CFAP44: variants seen among roughly 807,000 people sequenced by gnomAD.
CFAP44 encodes the protein cilia- and flagella-associated protein 44.
A neutral mutation model predicts 216.2 loss-of-function variants in CFAP44; 134 were observed. That is an observed-to-expected ratio of 0.62 (90% CI 0.54 to 0.72). The LOEUF (loss-of-function observed/expected upper bound fraction) is 0.72, where lower values mean the gene tolerates loss of function less well. Among genes scored for constraint, CFAP44 ranks in the 30% least tolerant of loss-of-function variants. CFAP44 has a pLI of 0.00. For missense variants in CFAP44, 2,035 were observed against 2,182.1 expected, an observed-to-expected ratio of 0.93 and a Z score of 1.34; for synonymous variants, 700 against 727.6, an observed-to-expected ratio of 0.96 and a Z score of 0.61.
intron 7 of CFAP44, among the ~76,000 whole-genome samples, chr3:113,408,863 C>CAA (rs200920984): frequency 6.0e-5 from 4 of 66,344 alleles, no homozygotes; most frequent in Admixed American, 1.7e-4. Context: ...AACTCCATTT[C>CAA]AAAAAAAAAA....
chr3:113,396,976 A>T (rs1013954323), intron 13 of CFAP44, among the ~76,000 whole-genome samples: 1 of 152,246 alleles, frequency 6.6e-6, no homozygotes. Context: ...ACCACATGCT[A>T]AGCACCTATC....
intron 4 of CFAP44, among the ~76,000 whole-genome samples, chr3:113,421,221 G>A (rs763561887): frequency 1.5e-4 from 23 of 152,142 alleles, no homozygotes; most frequent in East Asian, 3.9e-4. Flanking sequence ...ACATGCAAGC[G>A]ACCAACAAAC....
At chr3:113,425,163 G>A (rs559031733) in intron 4 of CFAP44, among the ~76,000 whole-genome samples, 21 of 152,228 alleles carry the variant, frequency 1.4e-4, no homozygotes, top group Non-Finnish European at 2.2e-4. Flanking sequence ...AAATCAGCAC[G>A]AATTAATTTA....
At chr3:113,306,062 G>GA in intron 30 of CFAP44, 139 bp downstream of exon 30, 4 of 1,083,968 alleles carry the variant, frequency 3.7e-6, no homozygotes, top group Non-Finnish European at 3.7e-6. Context: ...AATTTAGGGA[G>GA]AAAAAAACCT....
chr3:113,434,324 G>C (rs970693475), intron 1 of CFAP44, among the ~76,000 whole-genome samples: 1 of 152,130 alleles, frequency 6.6e-6, no homozygotes. Context: ...GCCAGGCAAA[G>C]AATGTGAAAG....
At chr3:113,357,581 T>C (rs1950502685) in intron 22 of CFAP44, among the ~76,000 whole-genome samples, 1 of 152,184 alleles carries the variant, frequency 6.6e-6, no homozygotes, top group Admixed American at 6.5e-5. Context: ...AAGAACCAAC[T>C]TGCCTGACAC....
At chr3:113,385,569 G>A (rs113847023) in intron 15 of CFAP44, among the ~76,000 whole-genome samples, 3 of 151,990 alleles carry the variant, frequency 2.0e-5, no homozygotes, top group South Asian at 2.1e-4. Context: ...TACAGCTGTC[G>A]GTGGACTGCT....
chr3:113,432,765 T>G (rs1033962439), intron 2 of CFAP44, among the ~76,000 whole-genome samples: 1 of 152,234 alleles, frequency 6.6e-6, no homozygotes, highest in African/African-American at 2.4e-5. Flanking sequence ...ATTTCCTTCT[T>G]GAACAACTCG....
At chr3:113,364,457 A>G (rs1454402572) in intron 19 of CFAP44, among the ~76,000 whole-genome samples, 1 of 152,202 alleles carries the variant, frequency 6.6e-6, no homozygotes, top group African/African-American at 2.4e-5. Context: ...GTCATAAAAC[A>G]TGATCAATAT....
chr3:113,303,029 A>G (rs11921687), intron 32 of CFAP44, among the ~76,000 whole-genome samples: 5,110 of 152,320 alleles, frequency 0.034, 260 homozygotes, highest in African/African-American at 0.11. Flanking sequence ...AAAAACCACA[A>G]TGAAATGTAA....
chr3:113,287,148 A>G lies in CFAP44; in HGVS notation c.*4409T>C, dbSNP rs1949764965. ...CAGACTCCTAACCTGGGGCCTCTGC[A>G]GTGGCAGGCGAGGCTGCAGGAGGCC... On this transcript the variant is annotated 3_prime_UTR_variant, in exon 35 of 35. Transcript: ENST00000393845. 2 of 446,642 alleles carry G rather than the reference A, an allele frequency of 4.5e-6. No individual in the cohort carries two copies. The highest frequency in any genetic ancestry group is 2.0e-5 in the African/African-American group (1 of 48,854). 27.7% of individuals were successfully genotyped at this position (446,642 alleles called of 1,614,324 possible).
At chr3:113,339,903 G>A (rs1245516793) in intron 24 of CFAP44, among the ~76,000 whole-genome samples, 3 of 152,186 alleles carry the variant, frequency 2.0e-5, no homozygotes, top group Non-Finnish European at 2.9e-5. Flanking sequence ...AGAGTCTGGG[G>A]GAAGAACCCC....
intron 3 of CFAP44, 42 bp from the exon 4 acceptor site, chr3:113,426,319 C>T (rs374443246): frequency 1.9e-5 from 30 of 1,595,480 alleles, no homozygotes; most frequent in African/African-American, 4.0e-5. Context: ...TATGGTTTGG[C>T]TGTGTCCCCA....
At chr3:113,423,963 T>C (rs1443245214) in intron 4 of CFAP44, among the ~76,000 whole-genome samples, 1 of 152,190 alleles carries the variant, frequency 6.6e-6, no homozygotes, top group Non-Finnish European at 1.5e-5. Flanking sequence ...GTTTGAACAG[T>C]TGGCCACCTT....
At chr3:113,400,036 A>G in intron 12 of CFAP44, 36 bp from the exon 13 acceptor site, 4 of 1,373,426 alleles carry the variant, frequency 2.9e-6, no homozygotes, top group Non-Finnish European at 2.9e-6. Flanking sequence ...AAAAAATTAT[A>G]TACATAATTT....
At position 113,291,710 on chromosome 3, in the gene CFAP44, C is replaced by G; in HGVS notation, c.5412G>C (p.Val1804=). Reference sequence around the variant, plus strand: ...TCAATTCAGTGACCTCCTCTCTTGCCACAACATCTGCTTCCCGAGGGCCCT... The same window carrying G: ...TCAATTCAGTGACCTCCTCTCTTGCGACAACATCTGCTTCCCGAGGGCCCT... The part of the protein sequence containing the change: ...AFQGPREADV[V]AREEVTELIQ... Residue 1804 remains valine, a synonymous_variant, in exon 35 of 35, where the codon GTG becomes GTC. Transcript: ENST00000393845. 6.5e-7 allele frequency: 1 copy of G among 1,536,758 alleles called. No homozygotes were observed. The highest frequency in any genetic ancestry group is 8.7e-7 in the Non-Finnish European group (1 of 1,146,974).
intron 1 of CFAP44, among the ~76,000 whole-genome samples, chr3:113,440,842 T>G (rs1296195364): frequency 6.6e-6 from 1 of 152,150 alleles, no homozygotes; most frequent in African/African-American, 2.4e-5. Context: ...CTCCTTAGCC[T>G]TCTCCTCTCA....
At chr3:113,293,231 A>G (rs1949848236) in intron 34 of CFAP44, among the ~76,000 whole-genome samples, 1 of 152,190 alleles carries the variant, frequency 6.6e-6, no homozygotes, top group South Asian at 2.1e-4. Context: ...AATTTTGGTT[A>G]TTCTTACTTT....
chr3:113,344,030 C>T (rs1036008455), intron 23 of CFAP44, among the ~76,000 whole-genome samples: 3 of 152,184 alleles, frequency 2.0e-5, no homozygotes, highest in Non-Finnish European at 4.4e-5. Flanking sequence ...GTACTATTTT[C>T]ATACCTCTAT....
Sources: gnomAD v4.1 joint callset for allele counts (sites outside exome capture counted in the v4.1 genomes callset) on GRCh38, gnomAD v4.1.1 for gene constraint, MANE v1.5 for transcripts, NCBI Gene and HGNC (gene_info 2026-07-23, HGNC 2026-07-21) for gene names.